CCDC174: variants seen among roughly 807,000 people sequenced by gnomAD.
CCDC174 encodes the protein coiled-coil domain-containing protein 174.
CCDC174 carries 37 observed loss-of-function variants against 57.1 expected under a neutral mutation model. The observed-to-expected ratio is 0.65, with a 90% confidence interval of 0.50 to 0.85. The LOEUF (loss-of-function observed/expected upper bound fraction) is 0.85, where lower values mean the gene tolerates loss of function less well. Ranked by LOEUF, CCDC174 falls within the 40% of genes least tolerant of loss-of-function variation. The pLI, the probability that CCDC174 is intolerant of heterozygous loss-of-function variation, is 0.00. For synonymous variants in CCDC174, 182 were observed against 190.2 expected, an observed-to-expected ratio of 0.96 and a Z score of 0.35; for missense variants, 540 against 574.3, an observed-to-expected ratio of 0.94 and a Z score of 0.61.
At position 14,671,183 on chromosome 3, in the gene CCDC174, C is replaced by A. The variant is rs1432592346; in HGVS notation, c.1393C>A (p.Gln465Lys). 1 of 1,608,372 alleles carries A rather than the reference C, an allele frequency of 6.2e-7. No homozygotes were observed. The highest frequency in any genetic ancestry group is 1.7e-5 in the Admixed American group (1 of 59,720). The change falls in exon 11 of 11, where the codon CAA becomes AAA. Residue 465 changes from glutamine (Q) to lysine (K), a missense_variant. Gln to Lys is a moderately conservative substitution (Grantham distance 53). Transcript: ENST00000383794. ...TLDDMISYYKQVT is the reference protein window; with the variant it reads ...TLDDMISYYKKVT ...GGATGACATGATTTCCTATTACAAA[C>A]AAGTGACATGATCTTTCAAAGCACG...
rs61316466 is a variant in CCDC174 at position 14,671,225 on chromosome 3, C to T, written c.*31C>T. 1 of 1,571,450 alleles carries T rather than the reference C, an allele frequency of 6.4e-7. No homozygotes were observed. ...CAAAGCACGCTGACTTGGGTTTGTA[C>T]TTTGACAGTGCCTTTCTCTCCCAGA... On this transcript the variant is annotated 3_prime_UTR_variant, in exon 11 of 11. Coordinates refer to ENST00000383794, the MANE Select transcript of CCDC174 (RefSeq NM_016474.5).
Position 14,651,864 on chromosome 3 carries a change from G to A in CCDC174, c.28G>A (p.Val10Ile), listed in dbSNP as rs1373148258. 1.2e-6 allele frequency: 2 copies of A among 1,614,146 alleles called. No individual in the cohort carries two copies. The highest frequency in any genetic ancestry group is 1.7e-6 in the Non-Finnish European group (2 of 1,179,986). Residue 10 changes from valine to isoleucine, a missense_variant, in exon 1 of 11, where the codon GTC becomes ATC. Val to Ile is a conservative substitution (Grantham distance 29). Transcript: ENST00000383794. MDRRKKPLDVTASSLVDLKA... is the reference protein window; with the variant it reads MDRRKKPLDITASSLVDLKA... ...GGACCGTAGGAAAAAGCCTTTGGAC[G>A]TCACGGCCTCCTCGGTGAGTGAGGG...
intron 7 of CCDC174, 139 bp from the exon 8 acceptor site, chr3:14,667,285 G>A (rs1301549369): frequency 4.2e-6 from 3 of 710,676 alleles, no homozygotes; most frequent in African/African-American, 1.8e-5. Flanking sequence ...TTGTTTCTTC[G>A]CTTAGCTGTT....
chr3:14,667,206 A>C (rs1443613029), intron 7 of CCDC174: 1 of 615,962 alleles, frequency 1.6e-6, no homozygotes, highest in Non-Finnish European at 2.8e-6. Context: ...AAAGCAAACG[A>C]ACCCTTGTTA....
intron 5 of CCDC174, among the ~76,000 whole-genome samples, chr3:14,664,609 A>G (rs2124843176): frequency 6.6e-6 from 1 of 152,312 alleles, no homozygotes. Flanking sequence ...GAAATAAGAG[A>G]AAGAATAAAA....
chr3:14,666,786 T>G lies in CCDC174; in HGVS notation c.582-19T>G, dbSNP rs1329275716. ...TCAATCCTTATCTGAAGATAGTTTT[T>G]GCTCTGTTTTCCTGCTAGTTTTATT... On this transcript the variant is annotated intron_variant, in intron 6 of 10. Transcript: ENST00000383794. 6.4e-7 allele frequency: 1 copy of G among 1,563,732 alleles called. No homozygotes were observed. The highest frequency in any genetic ancestry group is 8.6e-7 in the Non-Finnish European group (1 of 1,161,810).
intron 8 of CCDC174, 181 bp from the exon 9 acceptor site, chr3:14,667,868 C>A: frequency 1.6e-6 from 1 of 609,628 alleles, no homozygotes; most frequent in Non-Finnish European, 2.9e-6. Flanking sequence ...CTTTGTAAGA[C>A]ATCAGAGGGT....
intron 10 of CCDC174, among the ~76,000 whole-genome samples, chr3:14,670,533 A>C (rs2031475992): frequency 6.6e-6 from 1 of 152,268 alleles, no homozygotes; most frequent in South Asian, 2.1e-4. Context: ...TTAGAAATAG[A>C]GATGAAATAC....
Position 14,655,575 on chromosome 3 carries a change from C to T in CCDC174, c.194C>T (p.Ala65Val). The T allele has an allele frequency of 3.1e-6, 5 of 1,610,088 alleles. No homozygotes were observed. The highest frequency in any genetic ancestry group is 4.2e-6 in the Non-Finnish European group (5 of 1,177,998). The part of the protein sequence containing the change: ...SKQNVGVSNR[A>V]EKDAEQKIEE... ...CAGAATGTAGGCGTTTCAAATCGAG[C>T]TGAGAAGGATGCTGAACAGAAGATT... The change falls in exon 3 of 11, where the codon GCT (alanine) becomes GTT (valine). Residue 65 changes from alanine to valine, a missense_variant. Ala to Val is a moderately conservative substitution (Grantham distance 64). Transcript: ENST00000383794.
intron 10 of CCDC174, 148 bp from the exon 11 acceptor site, chr3:14,670,748 T>C (rs2031481755): frequency 1.5e-6 from 1 of 670,100 alleles, no homozygotes; most frequent in Non-Finnish European, 2.5e-6. Flanking sequence ...ACTTATACCT[T>C]GTAATATAGT....
At chr3:14,660,697 A>G (rs2031101334) in intron 4 of CCDC174, among the ~76,000 whole-genome samples, 1 of 152,190 alleles carries the variant, frequency 6.6e-6, no homozygotes, top group Admixed American at 6.5e-5. Flanking sequence ...TTGGAGCCTC[A>G]GTTTTTCTTC....
chr3:14,652,859 G>A (rs1310360383), intron 1 of CCDC174, among the ~76,000 whole-genome samples: 2 of 140,636 alleles, frequency 1.4e-5, no homozygotes, highest in Admixed American at 7.7e-5. Context: ...CCGAGATCGC[G>A]CAATTGCACT....
At chr3:14,656,873 C>T (rs913642047) in intron 3 of CCDC174, among the ~76,000 whole-genome samples, 8 of 152,242 alleles carry the variant, frequency 5.3e-5, no homozygotes, top group Admixed American at 2.6e-4. Flanking sequence ...GCTACATGTG[C>T]TTTTGGATAT....
In CCDC174 at chr3:14,669,981, A is replaced by T. The variant is rs1277065848; in HGVS notation, c.1000A>T (p.Thr334Ser). The change falls in exon 10 of 11, where the codon ACC becomes TCC. Residue 334 changes from threonine to serine, a missense_variant. Coordinates refer to ENST00000383794, the MANE Select transcript of CCDC174 (RefSeq NM_016474.5). ...PLPPEPEAVPTPRPAAQSSKV... is the reference protein window; with the variant it reads ...PLPPEPEAVPSPRPAAQSSKV... ...GCCACCGGAGCCAGAGGCTGTGCCAACCCCACGTCCTGCTGCCCAGAGTAG... is the reference window on the plus strand; with the variant it reads ...GCCACCGGAGCCAGAGGCTGTGCCATCCCCACGTCCTGCTGCCCAGAGTAG... 2.5e-6 allele frequency: 4 copies of T among 1,613,874 alleles called. No individual in the cohort carries two copies. The highest frequency in any genetic ancestry group is 1.7e-6 in the Non-Finnish European group (2 of 1,179,944).
In CCDC174 at chr3:14,671,093, C is replaced by G. The variant is rs774588314; in HGVS notation, c.1303C>G (p.His435Asp). The G allele has an allele frequency of 6.2e-7, 1 of 1,614,204 alleles. No homozygotes were observed. Among genetic ancestry groups the G allele is most frequent in the Admixed American group, 1.7e-5 (1 of 60,026 alleles). ...CCAGAGCCACGGACCTAGCCCTGAA[C>G]ATACGTCACCCACTCCTGCCCCCGA... ...PDQSHGPSPE[H>D]TSPTPAPDNP... The change falls in exon 11 of 11, where the codon CAT (histidine) becomes GAT (aspartate). Residue 435 changes from histidine to aspartate, a missense_variant. His to Asp is a moderately conservative substitution (Grantham distance 81, BLOSUM62 -1). Coordinates refer to ENST00000383794, the MANE Select transcript of CCDC174 (RefSeq NM_016474.5).
chr3:14,668,130 C>A lies in CCDC174; in HGVS notation c.901C>A (p.Gln301Lys). The A allele has an allele frequency of 6.2e-7, 1 of 1,604,232 alleles. No individual in the cohort carries two copies. ...ILEARLAKLR[Q>K]KKMKKSKEGG... The stretch of plus-strand genomic sequence containing the variant: ...AGAGGCAAGACTTGCCAAACTTCGA[C>A]AAAAAAAGATGAAAAAATCAAAAGA... The change falls in exon 9 of 11, where the codon CAA (glutamine) becomes AAA (lysine). Residue 301 changes from glutamine to lysine, a missense_variant. Transcript: ENST00000383794.
At chr3:14,652,027 T>C in intron 1 of CCDC174, 149 bp downstream of exon 1, 1 of 803,628 alleles carries the variant, frequency 1.2e-6, no homozygotes, top group Non-Finnish European at 2.1e-6. Flanking sequence ...GATTTTCTTC[T>C]CCGGCGGGGA....
intron 1 of CCDC174, among the ~76,000 whole-genome samples, chr3:14,653,110 T>A (rs1363796813): frequency 6.6e-6 from 1 of 152,212 alleles, no homozygotes; most frequent in African/African-American, 2.4e-5. Context: ...TTATTATTGG[T>A]AACTATTATT....
chr3:14,662,777 G>A (rs1212458052), intron 5 of CCDC174, among the ~76,000 whole-genome samples: 1 of 152,194 alleles, frequency 6.6e-6, no homozygotes, highest in Non-Finnish European at 1.5e-5. Context: ...TGGCCTTGTG[G>A]GCAGTCATTG....
Sources: gnomAD v4.1 joint callset for allele counts (sites outside exome capture counted in the v4.1 genomes callset) on GRCh38, gnomAD v4.1.1 for gene constraint, MANE v1.5 for transcripts, NCBI Gene and HGNC (gene_info 2026-07-23, HGNC 2026-07-21) for gene names.